Variants in ARMC3 observed in about 807,000 individuals in gnomAD.
ARMC3 encodes the protein armadillo repeat-containing protein 3.
Under a neutral mutation model 90.3 loss-of-function variants are expected in ARMC3, and 74 were observed. That is an observed-to-expected ratio of 0.82 (90% CI 0.68 to 0.99). The LOEUF (loss-of-function observed/expected upper bound fraction) is 0.99. ARMC3 is among the 50% of genes least tolerant of loss of function. The probability of loss-of-function intolerance (pLI) is 0.00; values close to 1 mark genes in which losing one functional copy is unlikely to be tolerated. For synonymous variants in ARMC3, 334 were observed against 361.8 expected, an observed-to-expected ratio of 0.92 and a Z score of 0.87; for missense variants, 958 against 1,042.8, an observed-to-expected ratio of 0.92 and a Z score of 1.12.
chr10:23,014,089 C>T (rs2131511549), intron 16 of ARMC3: 1 of 1,550,182 alleles, frequency 6.5e-7, no homozygotes, highest in Non-Finnish European at 8.7e-7. Context: ...TTCCTCTGCA[C>T]ATTCTGGCAG....
intron 10 of ARMC3, among the ~76,000 whole-genome samples, chr10:22,982,147 TG>T (rs1356433384): frequency 6.6e-6 from 1 of 152,082 alleles, no homozygotes; most frequent in African/African-American, 2.4e-5. Flanking sequence ...GAGGCTAAGG[TG>T]GGTGGATCAT....
In ARMC3 at chr10:22,951,859, A is replaced by G. The variant is rs8181463; in HGVS notation, c.167-3948A>G. Among the ~76,000 whole-genome samples the G allele has an allele frequency of 3.9e-3, 593 of 152,328 alleles. 11 individuals are homozygous for G. In the East Asian group the frequency reaches 0.041, roughly 10 times the overall value. On this transcript the variant is annotated intron_variant, in intron 3 of 18. Coordinates refer to ENST00000298032, the MANE Select transcript of ARMC3 (RefSeq NM_173081.5). ...GAAAAAGAAGAACAAGGCTGGGCAC[A>G]GTGGCTCACACCTGTAATCTCGGAA...
chr10:23,010,840 CT>C, intron 16 of ARMC3, among the ~76,000 whole-genome samples: 1 of 121,154 alleles, frequency 8.3e-6, no homozygotes, highest in African/African-American at 3.1e-5. Flanking sequence ...CTCTCCTTCC[CT>C]TGCCTCTCCT....
At chr10:22,931,696 TA>T (rs1833938049) in intron 1 of ARMC3, among the ~76,000 whole-genome samples, 2 of 152,304 alleles carry the variant, frequency 1.3e-5, no homozygotes, top group East Asian at 1.9e-4. Flanking sequence ...AAGCAAGCTA[TA>T]AAAATGGTAA....
chr10:22,941,379 G>A (rs1834323003), intron 2 of ARMC3, among the ~76,000 whole-genome samples: 1 of 152,000 alleles, frequency 6.6e-6, no homozygotes, highest in African/African-American at 2.4e-5. Context: ...ATCTAAATTG[G>A]CCCTCTGTAA....
At chr10:22,967,501 G>C (rs1196990804) in intron 7 of ARMC3, among the ~76,000 whole-genome samples, 4 of 152,140 alleles carry the variant, frequency 2.6e-5, no homozygotes, top group Non-Finnish European at 4.4e-5. Context: ...AAATCCTTGG[G>C]TGATGTTTAC....
At chr10:23,033,164 T>G in intron 18 of ARMC3, 141 bp downstream of exon 18, 1 of 740,018 alleles carries the variant, frequency 1.4e-6, no homozygotes. Context: ...TATAAGTGTA[T>G]ATATACTTAT....
At chr10:22,958,302 A>G (rs1277268399) in intron 4 of ARMC3, among the ~76,000 whole-genome samples, 2 of 152,192 alleles carry the variant, frequency 1.3e-5, no homozygotes, top group Non-Finnish European at 2.9e-5. Context: ...CATTTTTGGC[A>G]TTTCTAATAA....
At chr10:23,005,372 T>C (rs1837547467) in intron 13 of ARMC3, among the ~76,000 whole-genome samples, 2 of 152,300 alleles carry the variant, frequency 1.3e-5, no homozygotes, top group South Asian at 2.1e-4. Flanking sequence ...TTTTAAAACA[T>C]TTAACGAGAC....
chr10:22,990,897 C>G (rs1018986231), intron 10 of ARMC3, among the ~76,000 whole-genome samples: 1 of 152,090 alleles, frequency 6.6e-6, no homozygotes, highest in Non-Finnish European at 1.5e-5. Flanking sequence ...TCATCCCTTC[C>G]TTTCCCTTTC....
chr10:22,959,341 A>G, intron 5 of ARMC3, 58 bp from the exon 6 acceptor site: 1 of 1,497,156 alleles, frequency 6.7e-7, no homozygotes, highest in Non-Finnish European at 9.1e-7. Context: ...CATATTTTAA[A>G]GTAGTGGCTG....
intron 10 of ARMC3, among the ~76,000 whole-genome samples, chr10:22,984,841 T>C (rs1475682784): frequency 6.6e-6 from 1 of 152,036 alleles, no homozygotes; most frequent in African/African-American, 2.4e-5. Flanking sequence ...GCGATAAATT[T>C]GAATTAAAAT....
chr10:22,932,915 G>C (rs1035393840), intron 2 of ARMC3, among the ~76,000 whole-genome samples: 5 of 152,198 alleles, frequency 3.3e-5, no homozygotes, highest in Non-Finnish European at 7.3e-5. Flanking sequence ...TTTTTCTTTA[G>C]CTCCTAAATG....
intron 6 of ARMC3, chr10:22,960,411 T>C (rs1280398572): frequency 1.3e-5 from 2 of 152,188 alleles, no homozygotes; most frequent in African/African-American, 4.8e-5. Context: ...CATGTCAAAA[T>C]GCAGCAAAAG....
At chr10:23,036,971 G>A (rs577425921) in intron 18 of ARMC3, among the ~76,000 whole-genome samples, 1 of 152,332 alleles carries the variant, frequency 6.6e-6, no homozygotes, top group South Asian at 2.1e-4. Flanking sequence ...AGTGCAAAGA[G>A]TGCACAGAAT....
At chr10:22,969,215 A>G (rs1835577727) in intron 8 of ARMC3, among the ~76,000 whole-genome samples, 1 of 152,190 alleles carries the variant, frequency 6.6e-6, no homozygotes, top group South Asian at 2.1e-4. Flanking sequence ...TACATAATAC[A>G]ATTTGCATTT....
At chr10:22,942,220 A>C (rs1252408532) in intron 2 of ARMC3, among the ~76,000 whole-genome samples, 1 of 152,194 alleles carries the variant, frequency 6.6e-6, no homozygotes, top group Non-Finnish European at 1.5e-5. Context: ...CTGTAGTGGG[A>C]GTAGTTGAAA....
chr10:22,961,679 G>A (rs1835200088), intron 6 of ARMC3: 1 of 504,692 alleles, frequency 2.0e-6, no homozygotes, highest in Non-Finnish European at 3.5e-6. Context: ...TTCTGTTGTA[G>A]ACAATGTCTA....
At chr10:22,992,958 G>C (rs893021840) in intron 10 of ARMC3, among the ~76,000 whole-genome samples, 2 of 150,470 alleles carry the variant, frequency 1.3e-5, no homozygotes, top group African/African-American at 4.9e-5. Flanking sequence ...CAGAGTGTCT[G>C]CCGCCAATAT....
Sources: allele counts gnomAD v4.1 joint callset (sites outside exome capture counted in the v4.1 genomes callset), GRCh38; gene constraint gnomAD v4.1.1; transcripts MANE v1.5; gene names NCBI Gene and HGNC (gene_info 2026-07-23, HGNC 2026-07-21).